The following ZNF670 variants were observed in gnomAD, a reference collection of about 807,000 sequenced individuals.
The protein encoded by ZNF670 is zinc finger protein 670.
ZNF670 carries 7 observed loss-of-function variants against 10.9 expected under a neutral mutation model. The observed-to-expected ratio is 0.64, with a 90% confidence interval of 0.36 to 1.20. ZNF670 has a LOEUF of 1.20. Ranked by LOEUF, ZNF670 falls within the 50% of genes most tolerant of loss-of-function variation. The pLI, the probability that ZNF670 is intolerant of heterozygous loss-of-function variation, is 0.02. For synonymous variants in ZNF670, 136 were observed against 152.7 expected, an observed-to-expected ratio of 0.89 and a Z score of 0.81; for missense variants, 446 against 458.6, an observed-to-expected ratio of 0.97 and a Z score of 0.25.
chr1:247,078,460 G>A, intron 1 of ZNF670, 134 bp downstream of exon 1: 1 of 1,149,956 alleles, frequency 8.7e-7, no homozygotes, highest in African/African-American at 1.5e-5. Context: ...GTCCAGCCCC[G>A]CATCCTGTGC....
rs1228258397 is a variant in ZNF670 at position 247,034,690 on chromosome 1, G to GC, written c.*2758dup. On this transcript the variant is annotated 3_prime_UTR_variant, in exon 4 of 4. Transcript: ENST00000366503. ...TAGGTGACATGCTTAATTCTCCCCAGCATGGGGACATTCTTCCTTTCTGCA... is the reference window on the plus strand; with the variant it reads ...TAGGTGACATGCTTAATTCTCCCCAGCCATGGGGACATTCTTCCTTTCTGCA... Among the ~76,000 whole-genome samples, 1 of 152,160 alleles carries GC rather than the reference G, an allele frequency of 6.6e-6. No individual in the cohort carries two copies. Among genetic ancestry groups the GC allele is most frequent in the Non-Finnish European group, 1.5e-5 (1 of 68,020 alleles).
rs1572557106 is a variant in ZNF670, at chr1:247,043,012, C to T, written c.4-3475G>A. 3.8e-6 allele frequency: 3 copies of T among 797,554 alleles called. No individual in the cohort carries two copies. In the East Asian group the frequency reaches 7.7e-5, roughly 21 times the overall value. 49.4% of individuals were successfully genotyped at this position (797,554 alleles called of 1,614,324 possible). The stretch of plus-strand genomic sequence containing the variant: ...GGAAAAGGAGATGCAGAAAGTGAAT[C>T]CATACAAGATTGATATAGGTGCAGT... On this transcript the variant is annotated intron_variant, in intron 1 of 3. Transcript: ENST00000366503.
At chr1:247,060,572 T>C (rs1670834384) in intron 1 of ZNF670, among the ~76,000 whole-genome samples, 1 of 152,206 alleles carries the variant, frequency 6.6e-6, no homozygotes, top group Non-Finnish European at 1.5e-5. Flanking sequence ...AGCTGCAACA[T>C]GGAAAACATA....
rs186804638 is a variant in ZNF670, at chr1:247,075,583, C to T, written c.3+3011G>A. ...CTTTCCCCTGCTGTTCTGGTGATAGCGAATACGTTTCATGAGATCTGATGG... is the reference window on the plus strand; with the variant it reads ...CTTTCCCCTGCTGTTCTGGTGATAGTGAATACGTTTCATGAGATCTGATGG... On this transcript the variant is annotated intron_variant, in intron 1 of 3. Transcript: ENST00000366503. Among the ~76,000 whole-genome samples, 8 of 152,196 alleles carry T rather than the reference C, an allele frequency of 5.3e-5. No individual in the cohort carries two copies. In the East Asian group the frequency reaches 9.6e-4, roughly 18 times the overall value.
intron 1 of ZNF670, among the ~76,000 whole-genome samples, chr1:247,062,806 G>A (rs756825041): frequency 1.3e-5 from 2 of 152,190 alleles, no homozygotes; most frequent in African/African-American, 4.8e-5. Context: ...CACAGAACCA[G>A]CTGCTCCACT....
intron 1 of ZNF670, among the ~76,000 whole-genome samples, chr1:247,075,996 T>A (rs193036294): frequency 6.6e-6 from 1 of 151,258 alleles, no homozygotes; most frequent in Non-Finnish European, 1.5e-5. Context: ...TTTGGAAATA[T>A]TTTTTTTTAA....
At chr1:247,074,130 C>T (rs1671198878) in intron 1 of ZNF670, among the ~76,000 whole-genome samples, 1 of 152,180 alleles carries the variant, frequency 6.6e-6, no homozygotes, top group African/African-American at 2.4e-5. Flanking sequence ...ATGATGCTTC[C>T]TTTACGTACA....
At chr1:247,055,322 G>GC (rs2103062233) in intron 1 of ZNF670, among the ~76,000 whole-genome samples, 2 of 152,226 alleles carry the variant, frequency 1.3e-5, no homozygotes, top group East Asian at 3.9e-4. Context: ...TCTCTGATTG[G>GC]CCCCAGGCCA....
rs573293890 is a variant in ZNF670, at chr1:247,069,572, T to C, written c.3+9022A>G. ...TCGTTTGTTGTAGCACTGTTTACGA[T>C]AGCCAAAATTTGGAAACAACCTAAG... On this transcript the variant is annotated intron_variant, in intron 1 of 3. Transcript: ENST00000366503. Among the ~76,000 whole-genome samples, 466 of 151,028 alleles carry C rather than the reference T, an allele frequency of 3.1e-3. 28 individuals carry two copies. The highest frequency in any genetic ancestry group is 0.011 in the African/African-American group (446 of 40,328).
chr1:247,055,474 T>A (rs1363003413), intron 1 of ZNF670, among the ~76,000 whole-genome samples: 2 of 152,304 alleles, frequency 1.3e-5, no homozygotes, highest in African/African-American at 4.8e-5. Context: ...TGGCAACCCA[T>A]TCAGACCCCC....
intron 1 of ZNF670, among the ~76,000 whole-genome samples, chr1:247,046,664 T>C (rs888079431): frequency 1.1e-4 from 16 of 152,112 alleles, no homozygotes; most frequent in Admixed American, 7.2e-4. Flanking sequence ...CCAAGAGAAA[T>C]GTGAGGATGA....
chr1:247,045,693 G>T (rs1019672872), intron 1 of ZNF670, among the ~76,000 whole-genome samples: 1 of 152,216 alleles, frequency 6.6e-6, no homozygotes, highest in Admixed American at 6.5e-5. Context: ...GAGGAGTGGG[G>T]TGTTGCTATA....
intron 1 of ZNF670, among the ~76,000 whole-genome samples, chr1:247,054,071 T>C (rs185419906): frequency 6.6e-6 from 1 of 152,194 alleles, no homozygotes; most frequent in Non-Finnish European, 1.5e-5. Flanking sequence ...TGGAATGTAG[T>C]GCTGCCAACA....
At chr1:247,061,636 T>C (rs943603145) in intron 1 of ZNF670, among the ~76,000 whole-genome samples, 1 of 152,206 alleles carries the variant, frequency 6.6e-6, no homozygotes, top group Non-Finnish European at 1.5e-5. Flanking sequence ...CCCCATAACG[T>C]AGGCTCTTCC....
chr1:247,063,551 C>A (rs903001193), intron 1 of ZNF670, among the ~76,000 whole-genome samples: 1 of 146,276 alleles, frequency 6.8e-6, no homozygotes, highest in African/African-American at 2.6e-5. Context: ...CCACTGCACT[C>A]CAGCCTGGGC....
At chr1:247,049,194 G>C (rs1478007339) in intron 1 of ZNF670, among the ~76,000 whole-genome samples, 1 of 151,328 alleles carries the variant, frequency 6.6e-6, no homozygotes, top group African/African-American at 2.4e-5. Context: ...CACCTGCCGG[G>C]TTAAGTGATT....
intron 1 of ZNF670, among the ~76,000 whole-genome samples, chr1:247,048,692 G>C (rs1447480758): frequency 6.6e-6 from 1 of 152,170 alleles, no homozygotes; most frequent in Admixed American, 6.5e-5. Flanking sequence ...GTTCCACATG[G>C]CTGGGGAGGC....
intron 1 of ZNF670, chr1:247,043,370 T>C (rs1267753632): frequency 3.7e-6 from 2 of 540,804 alleles, no homozygotes; most frequent in Admixed American, 5.5e-5. Context: ...TTGTAAAGCA[T>C]GGTCAAGATG....
chr1:247,067,758 C>T (rs1431701932), intron 1 of ZNF670, among the ~76,000 whole-genome samples: 9 of 135,574 alleles, frequency 6.6e-5, no homozygotes, highest in African/African-American at 8.2e-5. Context: ...AGGAGAATGG[C>T]GTGAACCCGG....
Sources: allele counts gnomAD v4.1 joint callset (sites outside exome capture counted in the v4.1 genomes callset), GRCh38; gene constraint gnomAD v4.1.1; transcripts MANE v1.5; gene names NCBI Gene and HGNC (gene_info 2026-07-23, HGNC 2026-07-21).